Variants in AFAP1 observed in about 807,000 individuals in gnomAD.
AFAP1 encodes actin filament associated protein 1.
AFAP1 carries 75 observed loss-of-function variants against 93.9 expected under a neutral mutation model. The observed-to-expected ratio is 0.80, with a 90% CI of 0.66 to 0.97. AFAP1 has a LOEUF of 0.97. AFAP1 is among the 50% of genes least tolerant of loss of function. AFAP1 has a pLI of 0.00. For missense variants in AFAP1, 1,201 were observed against 1,050.8 expected (o/e 1.14, Z -1.98); for synonymous variants, 517 against 430.7 (o/e 1.20, Z -2.48).
intron 1 of AFAP1, among the ~76,000 whole-genome samples, chr4:7,932,260 T>C (rs1293086189): frequency 6.6e-6 from 1 of 152,182 alleles, no homozygotes; most frequent in Non-Finnish European, 1.5e-5. Context: ...ACCCACATGA[T>C]AAAACGAGGT....
chr4:7,862,442 G>C (rs1429701187), intron 3 of AFAP1: 1 of 150,776 alleles, frequency 6.6e-6, no homozygotes, highest in Non-Finnish European at 1.5e-5. Flanking sequence ...TGGGAAGTTA[G>C]TGTTTAAGGG....
intron 3 of AFAP1, among the ~76,000 whole-genome samples, chr4:7,863,552 T>C (rs1275921520): frequency 6.6e-6 from 1 of 152,164 alleles, no homozygotes; most frequent in Non-Finnish European, 1.5e-5. Context: ...AAGCAGAGTG[T>C]GAAACATGCT....
intron 4 of AFAP1, among the ~76,000 whole-genome samples, chr4:7,852,428 G>C (rs1333893187): frequency 6.6e-6 from 1 of 152,192 alleles, no homozygotes; most frequent in Non-Finnish European, 1.5e-5. Flanking sequence ...CAGTGGCTGA[G>C]GTGACGGACC....
intron 3 of AFAP1, chr4:7,862,363 C>G (rs1357042485): frequency 8.0e-6 from 1 of 124,560 alleles, no homozygotes; most frequent in East Asian, 2.3e-4. Context: ...TCACGATTTC[C>G]TAGAGACAGT....
intron 1 of AFAP1, among the ~76,000 whole-genome samples, chr4:7,936,077 A>G (rs1042741945): frequency 9.8e-5 from 15 of 152,354 alleles, no homozygotes; most frequent in Admixed American, 5.2e-4. Context: ...TCCTAAATTA[A>G]GAATGCAAAT....
chr4:7,864,216 G>A (rs1229871557), intron 3 of AFAP1, among the ~76,000 whole-genome samples: 1 of 151,440 alleles, frequency 6.6e-6, no homozygotes, highest in Non-Finnish European at 1.5e-5. Flanking sequence ...CCTCATGTGT[G>A]GATTTCCTGC....
At chr4:7,809,983 G>C (rs41264707) in intron 8 of AFAP1, among the ~76,000 whole-genome samples, 1 of 151,810 alleles carries the variant, frequency 6.6e-6, no homozygotes, top group Non-Finnish European at 1.5e-5. Context: ...CTTGGCCTCC[G>C]GAGTAGCTGG....
chr4:7,838,475 G>C (rs1677282488), intron 6 of AFAP1, 49 bp downstream of exon 6: 1 of 1,544,012 alleles, frequency 6.5e-7, no homozygotes, highest in African/African-American at 1.4e-5. Flanking sequence ...ATGGATCTCA[G>C]AAAGGCATGT....
chr4:7,845,070 A>G (rs186081354), intron 4 of AFAP1, among the ~76,000 whole-genome samples: 3 of 152,314 alleles, frequency 2.0e-5, no homozygotes, highest in African/African-American at 7.2e-5. Flanking sequence ...CAAAGATTCA[A>G]TACTAGCAGG....
chr4:7,864,350 G>A (rs553373314), intron 3 of AFAP1, among the ~76,000 whole-genome samples: 27 of 152,228 alleles, frequency 1.8e-4, no homozygotes, highest in Admixed American at 9.8e-4. Flanking sequence ...TACCAGTCCC[G>A]TCCTGACCCC....
At chr4:7,915,814 A>T (rs377195401) in intron 1 of AFAP1, among the ~76,000 whole-genome samples, 7 of 135,688 alleles carry the variant, frequency 5.2e-5, no homozygotes, top group African/African-American at 1.5e-4. Context: ...TTTGAAACTA[A>T]GTACAACTTT....
intron 4 of AFAP1, among the ~76,000 whole-genome samples, chr4:7,844,928 A>C (rs1336888518): frequency 6.6e-6 from 1 of 152,244 alleles, no homozygotes; most frequent in Non-Finnish European, 1.5e-5. Context: ...AGATAAGGAG[A>C]ACAATGGCCA....
intron 7 of AFAP1, 57 bp from the exon 8 acceptor site, chr4:7,816,156 T>A (rs1720458474): frequency 2.1e-6 from 3 of 1,435,262 alleles, no homozygotes; most frequent in African/African-American, 2.8e-5. Context: ...CCCAGTGATG[T>A]GTGATGGATC....
At chr4:7,936,958 C>T (rs190381829) in intron 1 of AFAP1, among the ~76,000 whole-genome samples, 3 of 152,196 alleles carry the variant, frequency 2.0e-5, no homozygotes, top group Admixed American at 6.5e-5. Context: ...CTCAAAATTC[C>T]ATTTACTCCC....
chr4:7,931,214 G>C (rs1252692503), intron 1 of AFAP1, among the ~76,000 whole-genome samples: 3 of 152,150 alleles, frequency 2.0e-5, no homozygotes, highest in African/African-American at 4.8e-5. Flanking sequence ...AACCTCCAAG[G>C]AACAGGGATC....
chr4:7,902,959 T>C (rs1411408730), intron 1 of AFAP1, among the ~76,000 whole-genome samples: 1 of 152,376 alleles, frequency 6.6e-6, no homozygotes, highest in Non-Finnish European at 1.5e-5. Context: ...GCTGATTTCC[T>C]GAAGAGGTTA....
At chr4:7,834,337 A>G (rs1297840705) in intron 6 of AFAP1, among the ~76,000 whole-genome samples, 2 of 152,166 alleles carry the variant, frequency 1.3e-5, no homozygotes, top group Non-Finnish European at 2.9e-5. Context: ...GAATGACACA[A>G]TAGACTTTGG....
At chr4:7,861,048 C>G (rs1560205406) in intron 3 of AFAP1, among the ~76,000 whole-genome samples, 1 of 152,346 alleles carries the variant, frequency 6.6e-6, no homozygotes, top group East Asian at 1.9e-4. Context: ...ATGACGAGAG[C>G]TGATCTTAGC....
intron 10 of AFAP1, among the ~76,000 whole-genome samples, chr4:7,796,591 A>C (rs1265016479): frequency 6.6e-6 from 1 of 151,260 alleles, no homozygotes; most frequent in Non-Finnish European, 1.5e-5. Flanking sequence ...CTACTAAAAA[A>C]TAAAAAAAAA....
Sources: gnomAD v4.1 joint callset for allele counts (sites outside exome capture counted in the v4.1 genomes callset) on GRCh38, gnomAD v4.1.1 for gene constraint, MANE v1.5 for transcripts, NCBI Gene and HGNC (gene_info 2026-07-23, HGNC 2026-07-21) for gene names.